Variants in MAP2K4 observed in about 807,000 individuals in gnomAD.
The protein encoded by MAP2K4 is dual specificity mitogen-activated protein kinase kinase 4.
In MAP2K4, 4 loss-of-function variants were observed where a neutral mutation model predicts 48.5. The observed-to-expected ratio is 0.08, with a 90% confidence interval of 0.04 to 0.19. MAP2K4 has a LOEUF of 0.19. Ranked by LOEUF, MAP2K4 falls within the 10% of genes least tolerant of loss-of-function variation. MAP2K4 has a pLI of 1.00. For synonymous variants in MAP2K4, 166 were observed against 173.1 expected (o/e 0.96, Z 0.32); for missense variants, 258 against 493.3 (o/e 0.52, Z 4.52).
chr17:12,141,398 C>T lies in MAP2K4; in HGVS notation c.*138C>T. 1 of 669,216 alleles carries T rather than the reference C, an allele frequency of 1.5e-6. No individual in the cohort carries two copies. Among genetic ancestry groups the T allele is most frequent in the Non-Finnish European group, 2.7e-6 (1 of 371,452 alleles). 41.5% of individuals were successfully genotyped at this position (669,216 alleles called of 1,614,324 possible). A position where few individuals can be genotyped will look rare whatever the true frequency, so the allele number is the denominator to read the frequency against. ...AGATTGGTGTTCGTTTCCATCATGT[C>T]TGTATACTCCTGTCACCTAGAACGT... is the stretch of plus-strand genomic sequence containing the variant. On this transcript the variant is annotated 3_prime_UTR_variant, in exon 11 of 11. Coordinates refer to ENST00000353533, the MANE Select transcript of MAP2K4 (RefSeq NM_003010.4).
intron 8 of MAP2K4, among the ~76,000 whole-genome samples, chr17:12,128,382 G>A (rs1972922674): frequency 1.3e-5 from 2 of 152,112 alleles, no homozygotes; most frequent in African/African-American, 4.8e-5. Context: ...CGGCCTAATT[G>A]GTAGGTTTTC....
At chr17:12,033,582 T>G (rs1034045696) in intron 1 of MAP2K4, among the ~76,000 whole-genome samples, 1 of 152,200 alleles carries the variant, frequency 6.6e-6, no homozygotes, top group Non-Finnish European at 1.5e-5. Context: ...CTTAAATAAC[T>G]GACTAAAAGT....
intron 4 of MAP2K4, among the ~76,000 whole-genome samples, chr17:12,103,080 C>T (rs1008478533): frequency 5.3e-5 from 8 of 150,996 alleles, no homozygotes; most frequent in Non-Finnish European, 1.2e-4. Flanking sequence ...TGCTCTGTGG[C>T]CCAGGCTGGA....
rs568654318 is a variant in MAP2K4 at position 12,042,852 on chromosome 17, C to T, written c.116-12037C>T. ...CATGAGGTCAGGAGATCGAGACCAT[C>T]CTGGCTAACACAGTGAAACCCCGCC... On this transcript the variant is annotated intron_variant, in intron 1 of 10. Coordinates refer to ENST00000353533, the MANE Select transcript of MAP2K4 (RefSeq NM_003010.4). Among the ~76,000 whole-genome samples the T allele has an allele frequency of 1.4e-4, 21 of 152,186 alleles. No homozygotes were observed. In the South Asian group the frequency reaches 4.2e-3, roughly 30 times the overall value.
intron 3 of MAP2K4, among the ~76,000 whole-genome samples, chr17:12,092,285 G>C (rs184391035): frequency 2.3e-4 from 35 of 152,036 alleles, no homozygotes; most frequent in Non-Finnish European, 4.4e-4. Context: ...TGATTATGAG[G>C]ATTTCAAGTC....
chr17:12,102,554 A>T (rs1264910570), intron 4 of MAP2K4, among the ~76,000 whole-genome samples: 1 of 151,976 alleles, frequency 6.6e-6, no homozygotes, highest in Non-Finnish European at 1.5e-5. Flanking sequence ...GTTGGGAAGT[A>T]TTTCTTCTTC....
At chr17:12,129,359 T>C (rs1972956900) in intron 9 of MAP2K4, 72 bp downstream of exon 9, 2 of 1,578,560 alleles carry the variant, frequency 1.3e-6, no homozygotes, top group African/African-American at 2.7e-5. Flanking sequence ...CTTAGCAGCA[T>C]TGGTACTTTA....
Position 12,056,237 on chromosome 17 carries a change from T to C in MAP2K4, c.218+1246T>C, listed in dbSNP as rs528036036. Among the ~76,000 whole-genome samples, 8 of 152,178 alleles carry C rather than the reference T, an allele frequency of 5.3e-5. No individual in the cohort carries two copies. In the South Asian group the frequency reaches 8.3e-4, roughly 16 times the overall value. On this transcript the variant is annotated intron_variant, in intron 2 of 10. Coordinates refer to ENST00000353533, the MANE Select transcript of MAP2K4 (RefSeq NM_003010.4). ...GATATAGCAGTAATCACCAAACTTA[T>C]CAGATCTTTCTTTTTTAAAAGCCTT...
At chr17:12,076,025 G>A (rs1970987268) in intron 2 of MAP2K4, among the ~76,000 whole-genome samples, 1 of 152,070 alleles carries the variant, frequency 6.6e-6, no homozygotes, top group Non-Finnish European at 1.5e-5. Context: ...GTTGGAAAAA[G>A]AGGTTCAAGT....
chr17:12,035,854 T>G (rs888606195), intron 1 of MAP2K4, among the ~76,000 whole-genome samples: 1 of 152,200 alleles, frequency 6.6e-6, no homozygotes, highest in African/African-American at 2.4e-5. Context: ...TAATGGAAGC[T>G]CTGAAGGATT....
At chr17:12,098,744 A>G (rs1971839657) in intron 4 of MAP2K4, among the ~76,000 whole-genome samples, 1 of 152,038 alleles carries the variant, frequency 6.6e-6, no homozygotes, top group Non-Finnish European at 1.5e-5. Context: ...AGTGCTTTCA[A>G]TTCCTGTTAC....
intron 2 of MAP2K4, among the ~76,000 whole-genome samples, chr17:12,073,150 A>G (rs1351342806): frequency 6.6e-6 from 1 of 152,242 alleles, no homozygotes. Flanking sequence ...TAACACAGCC[A>G]GAATAAGGAA....
chr17:12,048,033 T>C (rs1970020384), intron 1 of MAP2K4, among the ~76,000 whole-genome samples: 1 of 152,172 alleles, frequency 6.6e-6, no homozygotes, highest in African/African-American at 2.4e-5. Context: ...TTGTACTACA[T>C]TTCTTTTTCT....
At chr17:12,099,375 A>G (rs796690243) in intron 4 of MAP2K4, among the ~76,000 whole-genome samples, 9 of 152,260 alleles carry the variant, frequency 5.9e-5, no homozygotes, top group African/African-American at 1.9e-4. Flanking sequence ...CCTTTTTGAT[A>G]TAATGATTTA....
At chr17:12,038,901 T>C (rs1054477793) in intron 1 of MAP2K4, among the ~76,000 whole-genome samples, 14 of 152,166 alleles carry the variant, frequency 9.2e-5, no homozygotes, top group South Asian at 6.2e-4. Flanking sequence ...TTGGCGCTTA[T>C]AGGAATGATT....
chr17:12,113,731 A>G (rs144843044), intron 7 of MAP2K4, among the ~76,000 whole-genome samples: 102 of 152,298 alleles, frequency 6.7e-4, no homozygotes, highest in Middle Eastern at 3.4e-3. Flanking sequence ...ACTATGTATT[A>G]CAGAGTCTGA....
intron 2 of MAP2K4, among the ~76,000 whole-genome samples, chr17:12,065,490 A>C (rs960699882): frequency 3.3e-5 from 5 of 151,788 alleles, no homozygotes; most frequent in African/African-American, 7.3e-5. Context: ...AGTAGAGACA[A>C]GGTTTCACCA....
intron 2 of MAP2K4, among the ~76,000 whole-genome samples, chr17:12,070,551 T>A (rs761135896): frequency 6.6e-6 from 1 of 152,178 alleles, no homozygotes; most frequent in Non-Finnish European, 1.5e-5. Context: ...TAGAGCATAA[T>A]TATAAATGTA....
chr17:12,071,698 A>AAT (rs143836908), intron 2 of MAP2K4, among the ~76,000 whole-genome samples: 7 of 152,066 alleles, frequency 4.6e-5, no homozygotes, highest in African/African-American at 7.2e-5. Flanking sequence ...GGCACTGGGA[A>AAT]ATATATATAT....
Sources: gnomAD v4.1 joint callset for allele counts (sites outside exome capture counted in the v4.1 genomes callset) on GRCh38, gnomAD v4.1.1 for gene constraint, MANE v1.5 for transcripts, NCBI Gene and HGNC (gene_info 2026-07-23, HGNC 2026-07-21) for gene names.